Variants in XYLT1 observed in about 807,000 individuals in gnomAD.
The protein encoded by XYLT1 is beta-D-xylosyltransferase 1.
Under a neutral mutation model 91.3 loss-of-function variants are expected in XYLT1, and 36 were observed. That is an observed-to-expected ratio of 0.39 (90% CI 0.30 to 0.52). The LOEUF is 0.52. Among genes scored for constraint, XYLT1 ranks in the 20% least tolerant of loss-of-function variants. The pLI is 0.68. For missense variants in XYLT1, 1,242 were observed against 1,284.5 expected (o/e 0.97, Z 0.51); for synonymous variants, 588 against 532.0 (o/e 1.11, Z -1.45).
intron 9 of XYLT1, among the ~76,000 whole-genome samples, chr16:17,131,467 T>G (rs1260568068): frequency 6.6e-6 from 1 of 152,184 alleles, no homozygotes; most frequent in Admixed American, 6.5e-5. Context: ...CCACGGAATG[T>G]ACTGGGGTTC....
At chr16:17,379,763 T>TCTCTCTCTCTCTCACA (rs373354877) in intron 1 of XYLT1, among the ~76,000 whole-genome samples, 4 of 125,546 alleles carry the variant, frequency 3.2e-5, no homozygotes, top group African/African-American at 1.3e-4. Flanking sequence ...TCTCTCTCTC[T>TCTCTCTCTCTCTCACA]CACACACACA....
chr16:17,281,289 T>C (rs2034055011), intron 2 of XYLT1, among the ~76,000 whole-genome samples: 1 of 151,260 alleles, frequency 6.6e-6, no homozygotes, highest in Non-Finnish European at 1.5e-5. Context: ...AGGGGAGTGG[T>C]GGAAGGACAG....
intron 1 of XYLT1, among the ~76,000 whole-genome samples, chr16:17,364,224 C>T (rs141627693): frequency 5.9e-5 from 9 of 152,268 alleles, no homozygotes; most frequent in East Asian, 5.8e-4. Context: ...CTGACCCCCA[C>T]GTAAACAGGT....
intron 3 of XYLT1, among the ~76,000 whole-genome samples, chr16:17,212,426 G>T (rs1396930647): frequency 6.6e-6 from 1 of 152,142 alleles, no homozygotes; most frequent in Non-Finnish European, 1.5e-5. Flanking sequence ...TGCAGTCAGG[G>T]TTGAGAACCA....
chr16:17,122,535 G>C (rs867331741), intron 10 of XYLT1, among the ~76,000 whole-genome samples: 24 of 152,038 alleles, frequency 1.6e-4, no homozygotes, highest in Non-Finnish European at 3.4e-4. Context: ...CCACTCTCTG[G>C]GTTGTCTGTT....
At chr16:17,111,042 C>T (rs1455865851) in intron 11 of XYLT1, among the ~76,000 whole-genome samples, 2 of 152,128 alleles carry the variant, frequency 1.3e-5, no homozygotes, top group African/African-American at 4.8e-5. Context: ...TGCCTGTAAT[C>T]CCAGGTACTC....
intron 2 of XYLT1, among the ~76,000 whole-genome samples, chr16:17,289,606 A>G (rs1022454737): frequency 6.6e-6 from 1 of 152,212 alleles, no homozygotes; most frequent in Non-Finnish European, 1.5e-5. Context: ...GGGAATTTAA[A>G]AAGTTCTGAT....
chr16:17,353,417 G>A (rs1039950713), intron 2 of XYLT1, among the ~76,000 whole-genome samples: 3 of 152,246 alleles, frequency 2.0e-5, no homozygotes, highest in Admixed American at 6.5e-5. Flanking sequence ...CAGTTGGAGT[G>A]GATTCAGAAA....
rs139535221 is a variant in XYLT1 at position 17,301,466 on chromosome 16, C to T, written c.403-41968G>A. 2.0e-3 allele frequency among the ~76,000 whole-genome samples: 309 copies of T among 152,220 alleles called. 1 individual carries two copies. The highest frequency in any genetic ancestry group is 3.4e-3 in the Non-Finnish European group (234 of 68,014). ...TGGTCAGCCGTCCCCCAAAGCTCAA[C>T]CCTATCTGATAAAATCTTTTCCCAC... On this transcript the variant is annotated intron_variant, in intron 2 of 11. Coordinates refer to ENST00000261381, the MANE Select transcript of XYLT1 (RefSeq NM_022166.4).
chr16:17,362,420 C>A (rs111326541), intron 1 of XYLT1, among the ~76,000 whole-genome samples: 4,579 of 152,280 alleles, frequency 0.03, 241 homozygotes, highest in African/African-American at 0.1. Flanking sequence ...TAGCTCTATG[C>A]GTGGCAGGCA....
At chr16:17,316,082 C>T (rs865840148) in intron 2 of XYLT1, among the ~76,000 whole-genome samples, 1 of 152,178 alleles carries the variant, frequency 6.6e-6, no homozygotes, top group South Asian at 2.1e-4. Context: ...ACTGCCTCCA[C>T]CTTTCACCAC....
At chr16:17,154,166 T>C (rs1435676249) in intron 6 of XYLT1, among the ~76,000 whole-genome samples, 2 of 152,176 alleles carry the variant, frequency 1.3e-5, no homozygotes, top group African/African-American at 4.8e-5. Context: ...AATACCATGA[T>C]CATTATTTGA....
chr16:17,182,889 G>C (rs2032102287), intron 5 of XYLT1, among the ~76,000 whole-genome samples: 1 of 152,192 alleles, frequency 6.6e-6, no homozygotes, highest in Non-Finnish European at 1.5e-5. Flanking sequence ...ACGCAGGACA[G>C]ATGGTTCCTA....
chr16:17,142,488 C>T (rs1031473743), intron 6 of XYLT1, among the ~76,000 whole-genome samples: 45 of 138,636 alleles, frequency 3.2e-4, no homozygotes, highest in African/African-American at 1.2e-3. Context: ...GGCTGGAGTG[C>T]AGTGGCATGA....
chr16:17,355,421 G>C (rs2035280480), intron 2 of XYLT1: 1 of 152,122 alleles, frequency 6.6e-6, no homozygotes, highest in Non-Finnish European at 1.5e-5. Context: ...TCCTTCTGGG[G>C]AAGGATAAGG....
At chr16:17,132,629 G>T (rs931448535) in intron 9 of XYLT1, among the ~76,000 whole-genome samples, 1 of 150,230 alleles carries the variant, frequency 6.7e-6, no homozygotes, top group African/African-American at 2.5e-5. Flanking sequence ...AAGGCTGGGC[G>T]CAATGGCTCA....
intron 1 of XYLT1, among the ~76,000 whole-genome samples, chr16:17,469,342 G>A (rs1244879595): frequency 6.6e-6 from 1 of 152,246 alleles, no homozygotes; most frequent in Non-Finnish European, 1.5e-5. Flanking sequence ...CAGACAAGTA[G>A]TGTGATGAAG....
chr16:17,212,719 G>A (rs1290878681), intron 3 of XYLT1, among the ~76,000 whole-genome samples: 3 of 152,048 alleles, frequency 2.0e-5, no homozygotes, highest in East Asian at 3.8e-4. Context: ...TGACTGAACC[G>A]TCTTATTGAT....
chr16:17,138,163 G>GGTTAGAACATCCCTGAAGTTATGAA, intron 8 of XYLT1, 192 bp downstream of exon 8: 1 of 589,480 alleles, frequency 1.7e-6, no homozygotes. Flanking sequence ...GAGTCAATGT[G>GGTTAGAACATCCCTGAAGTTATGAA]GTTAGAACAT....
Sources: allele counts gnomAD v4.1 joint callset (sites outside exome capture counted in the v4.1 genomes callset), GRCh38; gene constraint gnomAD v4.1.1; transcripts MANE v1.5; gene names NCBI Gene and HGNC (gene_info 2026-07-23, HGNC 2026-07-21).